The following INPP4B variants were observed in gnomAD, a reference collection of about 807,000 sequenced individuals.
INPP4B encodes the protein inositol polyphosphate 4-phosphatase type II.
A neutral mutation model predicts 122.5 loss-of-function variants in INPP4B; 55 were observed. That is an observed-to-expected ratio of 0.45 (90% CI 0.36 to 0.56). The LOEUF (loss-of-function observed/expected upper bound fraction) is 0.56, where lower values mean the gene tolerates loss of function less well. Among genes scored for constraint, INPP4B ranks in the 20% least tolerant of loss-of-function variants. The pLI is 0.00. For synonymous variants in INPP4B, 403 were observed against 388.7 expected, an observed-to-expected ratio of 1.04 and a Z score of -0.43; for missense variants, 1,000 against 1,097.7, an observed-to-expected ratio of 0.91 and a Z score of 1.26.
At chr4:142,487,768 T>C (rs1821380626) in intron 2 of INPP4B, among the ~76,000 whole-genome samples, 1 of 152,174 alleles carries the variant, frequency 6.6e-6, no homozygotes, top group Non-Finnish European at 1.5e-5. Flanking sequence ...TTGTATAAAA[T>C]TGGCCTTGCA....
intron 2 of INPP4B, among the ~76,000 whole-genome samples, chr4:142,477,986 A>G (rs1460003218): frequency 1.3e-5 from 2 of 152,152 alleles, no homozygotes; most frequent in African/African-American, 4.8e-5. Flanking sequence ...TATTTTCAGT[A>G]GAGATGGGGT....
rs763988895 is a variant in INPP4B, at chr4:142,086,136, G to A, written c.2487+8C>T. ...GCAGGAAATAAGATTTGACATGAGA[G>A]TGCTTACCGTTGCAGCCAGCCACAT... On this transcript the variant is annotated splice_region_variant and intron_variant, in intron 24 of 25. Transcript: ENST00000262992. The A allele has an allele frequency of 6.7e-7, 1 of 1,482,316 alleles. No individual in the cohort carries two copies. The highest frequency in any genetic ancestry group is 1.1e-5 in the South Asian group (1 of 88,356). 91.8% of individuals were successfully genotyped at this position (1,482,316 alleles called of 1,614,324 possible).
intron 2 of INPP4B, among the ~76,000 whole-genome samples, chr4:142,580,933 G>A (rs550035322): frequency 7.9e-5 from 12 of 152,104 alleles, no homozygotes; most frequent in African/African-American, 1.2e-4. Context: ...TGGCCCAGGT[G>A]CAGGACATGT....
intron 12 of INPP4B, among the ~76,000 whole-genome samples, chr4:142,225,005 G>T (rs1850923396): frequency 6.6e-6 from 1 of 152,114 alleles, no homozygotes; most frequent in African/African-American, 2.4e-5. Context: ...GCAAAGTATT[G>T]TTTCTGGGTG....
At chr4:142,499,726 G>T (rs1416894401) in intron 2 of INPP4B, among the ~76,000 whole-genome samples, 4 of 152,254 alleles carry the variant, frequency 2.6e-5, no homozygotes, top group African/African-American at 9.6e-5. Context: ...ATTGCTGAAA[G>T]ATACCAATTA....
intron 7 of INPP4B, among the ~76,000 whole-genome samples, chr4:142,372,998 G>A (rs1186572665): frequency 6.4e-4 from 98 of 152,004 alleles, no homozygotes; most frequent in Admixed American, 6.2e-3. Context: ...GGGGCATGTA[G>A]TGCACTTCTC....
chr4:142,695,029 A>C (rs539204008), intron 2 of INPP4B, among the ~76,000 whole-genome samples: 2 of 152,264 alleles, frequency 1.3e-5, no homozygotes, highest in South Asian at 4.1e-4. Context: ...AGTCAAGGAT[A>C]TTTGCACAAA....
intron 9 of INPP4B, among the ~76,000 whole-genome samples, chr4:142,281,726 G>A (rs1353397752): frequency 6.6e-6 from 1 of 151,854 alleles, no homozygotes; most frequent in Admixed American, 6.6e-5. Flanking sequence ...ACACAATGAG[G>A]CATGTACTCT....
chr4:142,793,413 C>G (rs899959706), intron 1 of INPP4B, among the ~76,000 whole-genome samples: 1 of 151,992 alleles, frequency 6.6e-6, no homozygotes, highest in Non-Finnish European at 1.5e-5. Context: ...GAACTATGAG[C>G]AGGATGCATA....
chr4:142,759,780 G>C (rs1771027545), intron 1 of INPP4B, among the ~76,000 whole-genome samples: 1 of 126,370 alleles, frequency 7.9e-6, no homozygotes, highest in Non-Finnish European at 1.6e-5. Context: ...AAGGTAATTT[G>C]CCTCTCAACC....
intron 2 of INPP4B, among the ~76,000 whole-genome samples, chr4:142,712,749 C>T (rs79146365): frequency 0.027 from 4,074 of 152,292 alleles, 64 homozygotes; most frequent in Middle Eastern, 0.095. Context: ...TAAATAAGTA[C>T]TTCTCCCCAG....
At chr4:142,085,862 C>T (rs1776477576) in intron 24 of INPP4B, among the ~76,000 whole-genome samples, 1 of 152,182 alleles carries the variant, frequency 6.6e-6, no homozygotes, top group Non-Finnish European at 1.5e-5. Context: ...CAATACGCAA[C>T]ATCAAGAAAC....
chr4:142,024,939 T>C lies in INPP4B; in HGVS notation c.*3843A>G, dbSNP rs1191812763. 4 of 152,140 alleles carry C rather than the reference T, an allele frequency of 2.6e-5. No homozygotes were observed. The highest frequency in any genetic ancestry group is 6.6e-5 in the Admixed American group (1 of 15,262). 9.4% of individuals were successfully genotyped at this position (152,140 alleles called of 1,614,324 possible). A position where few individuals can be genotyped will look rare whatever the true frequency, so the allele number is the denominator to read the frequency against. On this transcript the variant is annotated 3_prime_UTR_variant, in exon 26 of 26. Coordinates refer to ENST00000262992, the MANE Select transcript of INPP4B (RefSeq NM_001101669.3). ...ATGAATAAAATATAGTCATCAAATA[T>C]GACTTTTAACCTAATAGGAGTCTTT...
intron 2 of INPP4B, among the ~76,000 whole-genome samples, chr4:142,640,994 T>C (rs574861726): frequency 9.2e-5 from 14 of 152,286 alleles, no homozygotes; most frequent in Admixed American, 6.5e-4. Context: ...TAAATCAGTA[T>C]CATTTTGGAA....
intron 11 of INPP4B, among the ~76,000 whole-genome samples, chr4:142,254,107 C>T (rs1483188364): frequency 2.6e-5 from 4 of 152,130 alleles, no homozygotes; most frequent in Admixed American, 2.6e-4. Flanking sequence ...TGACACCTCA[C>T]ACGGCCGGTA....
chr4:142,154,554 AG>A (rs1816149052), intron 17 of INPP4B, among the ~76,000 whole-genome samples: 1 of 152,256 alleles, frequency 6.6e-6, no homozygotes, highest in East Asian at 1.9e-4. Flanking sequence ...TGGCTAGAAT[AG>A]TCATCTTAGA....
chr4:142,591,880 G>C (rs1448714491), intron 2 of INPP4B, among the ~76,000 whole-genome samples: 1 of 152,098 alleles, frequency 6.6e-6, no homozygotes, highest in Non-Finnish European at 1.5e-5. Context: ...AGAAATGTGA[G>C]AAACTGTCAT....
chr4:142,173,931 T>C (rs1174482652), intron 15 of INPP4B, 122 bp from the exon 16 acceptor site: 3 of 804,306 alleles, frequency 3.7e-6, no homozygotes, highest in East Asian at 2.6e-5. Context: ...ATAAGAACTG[T>C]CCTAAGAGAT....
chr4:142,177,028 C>A (rs1322513908), intron 15 of INPP4B, among the ~76,000 whole-genome samples: 2 of 152,164 alleles, frequency 1.3e-5, no homozygotes, highest in African/African-American at 4.8e-5. Context: ...CCAATATATT[C>A]CCTTTCCTCT....
Sources: gnomAD v4.1 joint callset for allele counts (sites outside exome capture counted in the v4.1 genomes callset) on GRCh38, gnomAD v4.1.1 for gene constraint, MANE v1.5 for transcripts, NCBI Gene and HGNC (gene_info 2026-07-23, HGNC 2026-07-21) for gene names.